The following TAF15 variants were observed in gnomAD, a reference collection of about 807,000 sequenced individuals.
The protein encoded by TAF15 is TATA-box binding protein associated factor 15.
In TAF15, 37 loss-of-function variants were observed where a neutral mutation model predicts 102.5. The observed-to-expected ratio is 0.36, with a 90% CI of 0.28 to 0.47. The LOEUF is 0.47. Among genes scored for constraint, TAF15 ranks in the 20% least tolerant of loss-of-function variants. TAF15 has a pLI of 0.99. For synonymous variants in TAF15, 273 were observed against 259.2 expected, an observed-to-expected ratio of 1.05 and a Z score of -0.51; for missense variants, 652 against 760.7, an observed-to-expected ratio of 0.86 and a Z score of 1.68.
At chr17:35,843,932 G>T in intron 12 of TAF15, 145 bp from the exon 13 acceptor site, 1 of 800,152 alleles carries the variant, frequency 1.2e-6, no homozygotes. Context: ...CCAAATCAAA[G>T]AATTACAAAG....
chr17:35,816,815 CTTTTTTTTTTTTTT>C (rs1170506741), intron 1 of TAF15: 1 of 57,430 alleles, frequency 1.7e-5, no homozygotes, highest in Non-Finnish European at 3.2e-5. Context: ...CCCACCCCCA[CTTTTTTTTTTTTTT>C]TTTTTTTTTT....
At chr17:35,837,842 A>G (rs777703627) in intron 10 of TAF15, among the ~76,000 whole-genome samples, 3 of 152,070 alleles carry the variant, frequency 2.0e-5, no homozygotes, top group Non-Finnish European at 4.4e-5. Context: ...AAAGTTACGT[A>G]TTTACATGAA....
At chr17:35,834,746 T>TC (rs2087453043) in intron 9 of TAF15, 148 bp downstream of exon 9, 1 of 657,216 alleles carries the variant, frequency 1.5e-6, no homozygotes, top group Non-Finnish European at 2.4e-6. Context: ...ATTTCTTTTT[T>TC]TTTTTTTTTT....
In TAF15 at chr17:35,844,658, T is replaced by TGGCTATGGTGGAGACAGAAGTGGGGGC. The variant is rs2087592106; in HGVS notation, c.1370_1371insAGACAGAAGTGGGGGCGGCTATGGTGG (p.Ser451_Arg459dup). 2 of 1,388,968 alleles carry TGGCTATGGTGGAGACAGAAGTGGGGGC rather than the reference T, an allele frequency of 1.4e-6. No homozygotes were observed. Among genetic ancestry groups the TGGCTATGGTGGAGACAGAAGTGGGGGC allele is most frequent in the East Asian group, 7.0e-5 (2 of 28,730 alleles). The allele number at this position is 1,388,968 out of a possible 1,614,324, so 86.0% of individuals were successfully genotyped here. A position where few individuals can be genotyped will look rare whatever the true frequency, so the allele number is the denominator to read the frequency against. Reference sequence around the variant, plus strand: ...GCTATGGTGGAGACAGAAGTGGGGGTGGCTATGGTGGGGACAGAGGCGGCG... The same window carrying TGGCTATGGTGGAGACAGAAGTGGGGGC: ...GCTATGGTGGAGACAGAAGTGGGGGTGGCTATGGTGGAGACAGAAGTGGGGGCGGCTATGGTGGGGACAGAGGCGGCG... On this transcript the variant is annotated inframe_insertion, in exon 15 of 16. Coordinates refer to ENST00000605844, the MANE Select transcript of TAF15 (RefSeq NM_139215.3).
At chr17:35,843,000 A>G (rs2143828201) in intron 12 of TAF15, among the ~76,000 whole-genome samples, 1 of 152,210 alleles carries the variant, frequency 6.6e-6, no homozygotes, top group African/African-American at 2.4e-5. Context: ...AAGTGCTGGG[A>G]TTGCAGGCAT....
intron 7 of TAF15, among the ~76,000 whole-genome samples, chr17:35,824,746 A>G (rs529635573): frequency 2.0e-5 from 3 of 152,340 alleles, no homozygotes; most frequent in East Asian, 3.9e-4. Context: ...AACATCACAT[A>G]GTAATGTGTA....
At chr17:35,822,438 T>C (rs1325341412) in intron 5 of TAF15, among the ~76,000 whole-genome samples, 1 of 152,098 alleles carries the variant, frequency 6.6e-6, no homozygotes, top group African/African-American at 2.4e-5. Flanking sequence ...TTTTTCATAA[T>C]GTGGCACCTC....
chr17:35,819,992 T>G, intron 2 of TAF15, 32 bp from the exon 3 acceptor site: 1 of 1,604,644 alleles, frequency 6.2e-7, no homozygotes, highest in East Asian at 2.2e-5. Flanking sequence ...TTTCTACACA[T>G]TTCTTTCAAG....
chr17:35,822,145 C>T (rs2087267743), intron 5 of TAF15, among the ~76,000 whole-genome samples: 1 of 151,672 alleles, frequency 6.6e-6, no homozygotes, highest in Non-Finnish European at 1.5e-5. Context: ...AGTTAAAGAC[C>T]AGCCTGACCA....
At chr17:35,831,566 AG>A (rs1432043006) in intron 7 of TAF15, among the ~76,000 whole-genome samples, 2 of 152,126 alleles carry the variant, frequency 1.3e-5, no homozygotes, top group Admixed American at 6.6e-5. Context: ...TGGAAATTAT[AG>A]GAACTAGCTA....
chr17:35,826,583 A>C (rs981876343), intron 7 of TAF15, among the ~76,000 whole-genome samples: 1 of 145,724 alleles, frequency 6.9e-6, no homozygotes, highest in African/African-American at 2.5e-5. Flanking sequence ...TTTGAGATGG[A>C]GTCTCGCTCT....
rs370590248 is a variant in TAF15, at chr17:35,820,215, A to G, written c.151A>G (p.Ser51Gly). ...TTDSSYGQNY[S>G]GYSSYGQSQS... ...TGATTCCTCTTATGGACAGAACTAC[A>G]GCGGTTACTCCAGTTATGGACAAAG... Residue 51 changes from serine to glycine, a missense_variant, in exon 4 of 16, where the codon AGC becomes GGC. This residue lies in a region of TAF15 where 243 missense variants were observed against 284.1 expected (regional missense o/e 0.86). Coordinates refer to ENST00000605844, the MANE Select transcript of TAF15 (RefSeq NM_139215.3). 58 of 1,614,034 alleles carry G rather than the reference A, an allele frequency of 3.6e-5. No homozygotes were observed. The highest frequency in any genetic ancestry group is 4.7e-5 in the Non-Finnish European group (56 of 1,179,972).
intron 1 of TAF15, among the ~76,000 whole-genome samples, chr17:35,812,373 G>A (rs1287804695): frequency 1.3e-5 from 2 of 151,996 alleles, no homozygotes; most frequent in African/African-American, 4.8e-5. Flanking sequence ...GAGGCGGGTG[G>A]ATCACCTAAG....
intron 5 of TAF15, among the ~76,000 whole-genome samples, chr17:35,821,277 A>G (rs955153471): frequency 2.0e-5 from 3 of 152,332 alleles, no homozygotes; most frequent in South Asian, 4.1e-4. Context: ...TAGAAAGTAG[A>G]GTACAAATGT....
rs922949018 is a variant in TAF15, at chr17:35,841,476, CTCTT to C, written c.914-889_914-886del. On this transcript the variant is annotated intron_variant, in intron 11 of 15. Coordinates refer to ENST00000605844, the MANE Select transcript of TAF15 (RefSeq NM_139215.3). ...GGAACAGGTAGACATGTGCACCTGA[CTCTT>C]TTTTTTTTTTGACTTGCTGGGCTTA... 4.0e-5 allele frequency among the ~76,000 whole-genome samples: 6 copies of C among 151,494 alleles called. No homozygotes were observed. In the East Asian group the frequency reaches 7.7e-4, roughly 20 times the overall value.
At chr17:35,836,839 G>A (rs903281048) in intron 10 of TAF15, among the ~76,000 whole-genome samples, 8 of 150,748 alleles carry the variant, frequency 5.3e-5, no homozygotes, top group Non-Finnish European at 8.9e-5. Context: ...GTGCAGTGGC[G>A]CGATGTCGGC....
rs989365455 is a variant in TAF15, at chr17:35,809,554, GC to G, written c.-14del. 4 of 1,613,190 alleles carry G rather than the reference GC, an allele frequency of 2.5e-6. No individual in the cohort carries two copies. The African/African-American group carries it at 5.3e-5, about 21-fold the overall frequency. Reference sequence around the variant, plus strand: ...TCTCGGCGGGCTGTGGGGCCTCCGCGCCGCGGCCGTTAGTCATGTCGGGTAG... The same window carrying G: ...TCTCGGCGGGCTGTGGGGCCTCCGCGCGCGGCCGTTAGTCATGTCGGGTAG... On this transcript the variant is annotated 5_prime_UTR_variant, in exon 1 of 16. Coordinates refer to ENST00000605844, the MANE Select transcript of TAF15 (RefSeq NM_139215.3).
intron 11 of TAF15, among the ~76,000 whole-genome samples, chr17:35,839,655 T>G (rs960438744): frequency 1.3e-5 from 2 of 152,144 alleles, no homozygotes; most frequent in Admixed American, 1.3e-4. Context: ...GTGCTGGGAT[T>G]ACAGGCGTGA....
At chr17:35,811,755 T>C (rs2143729479) in intron 1 of TAF15, among the ~76,000 whole-genome samples, 1 of 152,378 alleles carries the variant, frequency 6.6e-6, no homozygotes. Context: ...AACATTCAAA[T>C]ACTGTTTACA....
Sources: allele counts gnomAD v4.1 joint callset (sites outside exome capture counted in the v4.1 genomes callset), GRCh38; gene constraint gnomAD v4.1.1; regional missense constraint gnomAD v4.1.1; transcripts MANE v1.5; gene names NCBI Gene and HGNC (gene_info 2026-07-23, HGNC 2026-07-21).